NCAPH: variants seen among roughly 807,000 people sequenced by gnomAD.
NCAPH encodes the protein condensin complex subunit 2.
NCAPH carries 38 observed loss-of-function variants against 85.5 expected under a neutral mutation model. The observed-to-expected ratio is 0.44, with a 90% CI of 0.34 to 0.58. NCAPH has a LOEUF of 0.58. Among genes scored for constraint, NCAPH ranks in the 20% least tolerant of loss-of-function variants. The pLI, the probability that NCAPH is intolerant of heterozygous loss-of-function variation, is 0.01. For missense variants in NCAPH, 789 were observed against 916.6 expected (o/e 0.86, Z 1.80); for synonymous variants, 301 against 335.1 (o/e 0.90, Z 1.11).
At chr2:96,368,158 G>C (rs1267188202) in intron 15 of NCAPH, among the ~76,000 whole-genome samples, 1 of 152,174 alleles carries the variant, frequency 6.6e-6, no homozygotes, top group Non-Finnish European at 1.5e-5. Flanking sequence ...ACCTTCTGTA[G>C]CTGAGAAATG....
chr2:96,360,824 C>T (rs2064596823), intron 12 of NCAPH, 114 bp downstream of exon 12: 1 of 1,346,354 alleles, frequency 7.4e-7, no homozygotes, highest in Non-Finnish European at 1.0e-6. Flanking sequence ...TATGTGTTAG[C>T]CAAAGCGTGT....
rs935029760 is a variant in NCAPH, at chr2:96,346,808, G to T, written c.720+2579G>T. On this transcript the variant is annotated intron_variant, in intron 6 of 17. Transcript: ENST00000240423. ...CAAGGGAGCAAATGGCGGAGGCGGG[G>T]TAGGGGTCTTACTAGGCTGTCTTGG... is the stretch of plus-strand genomic sequence containing the variant. Among the ~76,000 whole-genome samples the T allele has an allele frequency of 2.0e-5, 3 of 152,194 alleles. No homozygotes were observed. In the East Asian group the frequency reaches 5.8e-4, roughly 29 times the overall value.
Position 96,359,188 on chromosome 2 carries a change from G to T in NCAPH, c.1352G>T (p.Arg451Leu). ...GPDHWRFRPR[R>L]KQDAPSQSEN... ...GATCACTGGCGCTTTAGGCCTCGAC[G>T]CAAACGTATGTAATTCTAGGTGGAA... The change falls in exon 10 of 18, where the codon CGC becomes CTC. Residue 451 changes from arginine to leucine, a missense_variant. Arg to Leu is a moderately radical substitution (Grantham distance 102, BLOSUM62 -2). Transcript: ENST00000240423. 1 of 1,613,830 alleles carries T rather than the reference G, an allele frequency of 6.2e-7. No homozygotes were observed. The highest frequency in any genetic ancestry group is 8.5e-7 in the Non-Finnish European group (1 of 1,179,862).
At chr2:96,355,710 C>G (rs1156981118) in intron 9 of NCAPH, among the ~76,000 whole-genome samples, 1 of 151,132 alleles carries the variant, frequency 6.6e-6, no homozygotes, top group African/African-American at 2.4e-5. Context: ...AGCGCGATCT[C>G]TGCTCACTGC....
intron 17 of NCAPH, among the ~76,000 whole-genome samples, chr2:96,371,195 C>T (rs949815984): frequency 2.0e-5 from 3 of 152,042 alleles, no homozygotes; most frequent in African/African-American, 4.8e-5. Flanking sequence ...TGAGAAGTGT[C>T]GGGGGAGGCC....
At chr2:96,355,666 G>C (rs1408122334) in intron 9 of NCAPH, among the ~76,000 whole-genome samples, 2 of 148,236 alleles carry the variant, frequency 1.3e-5, no homozygotes, top group Non-Finnish European at 3.0e-5. Context: ...TTTTGAGACA[G>C]AGTCTCGGTC....
At chr2:96,368,465 G>A (rs1208217511) in intron 15 of NCAPH, among the ~76,000 whole-genome samples, 1 of 152,116 alleles carries the variant, frequency 6.6e-6, no homozygotes, top group Non-Finnish European at 1.5e-5. Flanking sequence ...GACAAGCCTG[G>A]CCAACATGGT....
At chr2:96,341,054 G>A (rs866702447) in intron 1 of NCAPH, among the ~76,000 whole-genome samples, 1 of 152,172 alleles carries the variant, frequency 6.6e-6, no homozygotes, top group Non-Finnish European at 1.5e-5. Context: ...TTGATTTTTA[G>A]TGAGGCTACA....
intron 9 of NCAPH, among the ~76,000 whole-genome samples, chr2:96,355,145 C>T (rs1467605464): frequency 1.3e-5 from 2 of 152,156 alleles, no homozygotes; most frequent in Non-Finnish European, 2.9e-5. Context: ...TAGTAAACAT[C>T]ATAAAAATAA....
rs1482839726 is a variant in NCAPH at position 96,375,997 on chromosome 2, CTG to C, written c.*2648_*2649del. On this transcript the variant is annotated 3_prime_UTR_variant, in exon 18 of 18. Transcript: ENST00000240423. ...ACCTGGGACTTTTCAGCCTCCATAA[CTG>C]TAATAAATTCCTTTGTCAGTTACCC... 1.3e-5 allele frequency among the ~76,000 whole-genome samples: 2 copies of C among 152,136 alleles called. No individual in the cohort carries two copies. The highest frequency in any genetic ancestry group is 2.9e-5 in the Non-Finnish European group (2 of 68,032).
intron 7 of NCAPH, among the ~76,000 whole-genome samples, chr2:96,352,939 C>T (rs1276498699): frequency 6.6e-6 from 1 of 152,204 alleles, no homozygotes; most frequent in African/African-American, 2.4e-5. Flanking sequence ...ACATGATTGC[C>T]TATGTACTTG....
intron 9 of NCAPH, 124 bp downstream of exon 9, chr2:96,354,512 G>A (rs888929770): frequency 1.2e-6 from 1 of 845,744 alleles, no homozygotes; most frequent in South Asian, 2.5e-5. Context: ...AAATAGAGAC[G>A]GGCATCTCAC....
Position 96,344,216 on chromosome 2 carries a change from A to G in NCAPH, c.707A>G (p.Asp236Gly), listed in dbSNP as rs752350518. The G allele has an allele frequency of 7.6e-5, 123 of 1,609,790 alleles. No individual in the cohort carries two copies. The highest frequency in any genetic ancestry group is 4.5e-5 in the Non-Finnish European group (53 of 1,178,786). Residue 236 changes from aspartate (D) to glycine (G), a missense_variant, in exon 6 of 18, where the codon GAT becomes GGT. By Grantham distance (94) the Asp-to-Gly change is moderately conservative. Coordinates refer to ENST00000240423, the MANE Select transcript of NCAPH (RefSeq NM_015341.5). The part of the protein sequence containing the change: ...NINNLNVSEA[D>G]RKCEIDPMFQ... Reference sequence around the variant, plus strand: ...AACAACCTCAATGTCTCCGAAGCAGATCGGAAGTGTGAGGTGAGGAACTGT... The same window carrying G: ...AACAACCTCAATGTCTCCGAAGCAGGTCGGAAGTGTGAGGTGAGGAACTGT...
chr2:96,360,422 T>C (rs1424923778), intron 11 of NCAPH, among the ~76,000 whole-genome samples, 166 bp from the exon 12 acceptor site: 2 of 152,158 alleles, frequency 1.3e-5, no homozygotes, highest in African/African-American at 4.8e-5. Context: ...AAGAATCAAA[T>C]TTAGAATAAA....
chr2:96,359,161 C>T lies in NCAPH; in HGVS notation c.1325C>T (p.Pro442Leu), dbSNP rs200442524. ...CGGACCATGTCGATGTGGGCTGGCC[C>T]GGATCACTGGCGCTTTAGGCCTCGA... The part of the protein sequence containing the change: ...SPRTMSMWAG[P>L]DHWRFRPRRK... Residue 442 changes from proline (P) to leucine (L), a missense_variant, in exon 10 of 18, where the codon CCG becomes CTG. Transcript: ENST00000240423. 68 of 1,614,008 alleles carry T rather than the reference C, an allele frequency of 4.2e-5. No homozygotes were observed. Among genetic ancestry groups the T allele is most frequent in the South Asian group, 1.2e-4 (11 of 91,074 alleles).
intron 7 of NCAPH, among the ~76,000 whole-genome samples, chr2:96,352,505 T>A (rs1332693123): frequency 1.3e-5 from 2 of 152,226 alleles, no homozygotes; most frequent in South Asian, 2.1e-4. Context: ...TCCCCTATAC[T>A]GGCTTGACAG....
intron 6 of NCAPH, among the ~76,000 whole-genome samples, chr2:96,350,201 A>G (rs144991209): frequency 2.0e-3 from 306 of 152,326 alleles, no homozygotes; most frequent in African/African-American, 5.8e-3. Flanking sequence ...CATCTACTCA[A>G]ACTACACAGT....
intron 14 of NCAPH, among the ~76,000 whole-genome samples, chr2:96,366,696 G>A (rs1237319060): frequency 6.6e-6 from 1 of 152,042 alleles, no homozygotes; most frequent in Middle Eastern, 3.2e-3. Context: ...GGCCAACATG[G>A]TGAAACCCCG....
At chr2:96,369,745 T>C (rs1162991978) in intron 17 of NCAPH, among the ~76,000 whole-genome samples, 1 of 152,182 alleles carries the variant, frequency 6.6e-6, no homozygotes, top group African/African-American at 2.4e-5. Flanking sequence ...GATGGAATTG[T>C]GATCGGTAAG....
Sources: allele counts gnomAD v4.1 joint callset (sites outside exome capture counted in the v4.1 genomes callset), GRCh38; gene constraint gnomAD v4.1.1; transcripts MANE v1.5; gene names NCBI Gene and HGNC (gene_info 2026-07-23, HGNC 2026-07-21).